Variants in DENND3 observed in about 807,000 individuals in gnomAD.
DENND3 encodes DENN domain containing 3.
DENND3 carries 88 observed loss-of-function variants against 135.1 expected under a neutral mutation model. The observed-to-expected ratio is 0.65, with a 90% CI of 0.55 to 0.78. The LOEUF (loss-of-function observed/expected upper bound fraction) is 0.78. DENND3 is among the 30% of genes least tolerant of loss of function. The pLI is 0.00. For missense variants in DENND3, 1,392 were observed against 1,688.4 expected (o/e 0.82, Z 3.08); for synonymous variants, 693 against 712.3 (o/e 0.97, Z 0.43).
intron 20 of DENND3, chr8:141,192,055 TAAGC>T: frequency 2.8e-6 from 1 of 362,370 alleles, no homozygotes; most frequent in Non-Finnish European, 5.0e-6. Flanking sequence ...GATTTTTGCT[TAAGC>T]AGTCAATGAT....
intron 8 of DENND3, 73 bp downstream of exon 8, chr8:141,156,043 CT>C: frequency 6.7e-7 from 1 of 1,486,928 alleles, no homozygotes; most frequent in South Asian, 1.3e-5. Flanking sequence ...CTTCGAGTAT[CT>C]TTTCCAATTT....
At chr8:141,171,935 G>A (rs575549652) in intron 13 of DENND3, among the ~76,000 whole-genome samples, 22 of 151,680 alleles carry the variant, frequency 1.5e-4, no homozygotes, top group African/African-American at 5.3e-4. Context: ...CATGGTGGTG[G>A]TGTGCAGTGT....
intron 13 of DENND3, among the ~76,000 whole-genome samples, chr8:141,169,831 C>T (rs940159603): frequency 2.1e-4 from 32 of 152,210 alleles, no homozygotes; most frequent in African/African-American, 6.0e-4. Flanking sequence ...GCTCCACATC[C>T]GTTGGGTTCA....
At chr8:141,188,965 G>T (rs369489966) in intron 18 of DENND3, 21 bp from the exon 19 acceptor site, 5 of 1,606,050 alleles carry the variant, frequency 3.1e-6, no homozygotes, top group Non-Finnish European at 4.2e-6. Context: ...GATTTCTCAC[G>T]TTCCCGTGGC....
intron 18 of DENND3, chr8:141,188,440 C>CA (rs1824221200): frequency 6.6e-6 from 1 of 152,582 alleles, no homozygotes; most frequent in African/African-American, 2.4e-5. Flanking sequence ...TTGTAACTCC[C>CA]AAAACAGATA....
chr8:141,192,518 C>T lies in DENND3; in HGVS notation c.3499-8C>T, dbSNP rs767015027. On this transcript the variant is annotated splice_region_variant and splice_polypyrimidine_tract_variant and intron_variant, in intron 21 of 22. Coordinates refer to ENST00000519811, the MANE Select transcript of DENND3 (RefSeq NM_001352890.3). ...GGCCCATAGCCCACACCGTGCCCTGCGTTTCAGGAGGAGCAGCTGTGGGCG... is the reference window on the plus strand; with the variant it reads ...GGCCCATAGCCCACACCGTGCCCTGTGTTTCAGGAGGAGCAGCTGTGGGCG... 44 of 1,600,330 alleles carry T rather than the reference C, an allele frequency of 2.7e-5. No individual in the cohort carries two copies. The highest frequency in any genetic ancestry group is 1.7e-4 in the Middle Eastern group (1 of 5,990).
At chr8:141,165,831 C>T (rs988891542) in intron 11 of DENND3, among the ~76,000 whole-genome samples, 1 of 152,050 alleles carries the variant, frequency 6.6e-6, no homozygotes, top group Non-Finnish European at 1.5e-5. Context: ...GGTTTGTGGC[C>T]CTTGCGTCTT....
chr8:141,133,556 A>G (rs1816412636), intron 1 of DENND3, among the ~76,000 whole-genome samples: 2 of 151,934 alleles, frequency 1.3e-5, no homozygotes, highest in Non-Finnish European at 2.9e-5. Flanking sequence ...CCTGACAGAA[A>G]CCTCCAAGGC....
intron 7 of DENND3, among the ~76,000 whole-genome samples, chr8:141,153,175 C>A (rs1022630088): frequency 6.0e-5 from 9 of 149,736 alleles, no homozygotes; most frequent in Non-Finnish European, 1.2e-4. Flanking sequence ...CTCATGGCAA[C>A]CAATGCCTCC....
rs1432000985 is a variant in DENND3 at position 141,154,565 on chromosome 8, CTT to C, written c.1075-1273_1075-1272del. Among the ~76,000 whole-genome samples, 1 of 142,260 alleles carries C rather than the reference CTT, an allele frequency of 7.0e-6. No individual in the cohort carries two copies. The allele number at this position is 142,260 out of a possible 152,430, so 93.3% of individuals were successfully genotyped here. ...ACATGTATTGGAATCTTTTTTTTTTCTTTTTTTTTTTTGTGAGATGGAGTTTC... is the reference window on the plus strand; with the variant it reads ...ACATGTATTGGAATCTTTTTTTTTTCTTTTTTTTTTGTGAGATGGAGTTTC... On this transcript the variant is annotated intron_variant, in intron 7 of 22. Coordinates refer to ENST00000519811, the MANE Select transcript of DENND3 (RefSeq NM_001352890.3). This position sits in a 1 kb window ranked among gnomAD's most constrained non-coding sequence, Gnocchi z 4.4.
chr8:141,162,663 C>T (rs1007160440), intron 9 of DENND3, among the ~76,000 whole-genome samples: 1 of 152,000 alleles, frequency 6.6e-6, no homozygotes, highest in East Asian at 1.9e-4. Context: ...GGGCCGGGCT[C>T]GGTGGCTCAC....
At position 141,137,048 on chromosome 8, in the gene DENND3, C is replaced by T. The variant is rs1816868184; in HGVS notation, c.385+257C>T. Reference sequence around the variant, plus strand: ...AGGCTGGAGTTCAGTGGCACAATCTCCTTTCACTTCATCCTCTGCCTCCTG... The same window carrying T: ...AGGCTGGAGTTCAGTGGCACAATCTTCTTTCACTTCATCCTCTGCCTCCTG... On this transcript the variant is annotated intron_variant, in intron 2 of 22. Transcript: ENST00000519811. This position sits in a 1 kb window ranked among gnomAD's most constrained non-coding sequence, Gnocchi z 4.1. 6.6e-6 allele frequency among the ~76,000 whole-genome samples: 1 copy of T among 152,170 alleles called. No homozygotes were observed. The highest frequency in any genetic ancestry group is 2.4e-5 in the African/African-American group (1 of 41,424).
intron 5 of DENND3, chr8:141,150,214 A>G: frequency 1.2e-6 from 1 of 851,544 alleles, no homozygotes; most frequent in Non-Finnish European, 1.6e-6. Context: ...TTTGCAGCCC[A>G]TTTCCTGGCA....
At chr8:141,156,791 CTTT>C (rs34035594) in intron 8 of DENND3, among the ~76,000 whole-genome samples, 3 of 123,184 alleles carry the variant, frequency 2.4e-5, no homozygotes, top group Non-Finnish European at 5.0e-5. Context: ...TTTTTCTTTC[CTTT>C]TTTTTTTTTT....
At chr8:141,142,455 G>T (rs1455926796) in intron 4 of DENND3, 1 of 454,298 alleles carries the variant, frequency 2.2e-6, no homozygotes, top group African/African-American at 2.0e-5. Context: ...CCCATGGAGA[G>T]TGAGCAGGAA....
At chr8:141,156,984 A>C (rs372791399) in intron 8 of DENND3, among the ~76,000 whole-genome samples, 1 of 151,720 alleles carries the variant, frequency 6.6e-6, no homozygotes, top group Non-Finnish European at 1.5e-5. Context: ...GGGTTTCACT[A>C]TGTTGGCCAG....
intron 8 of DENND3, among the ~76,000 whole-genome samples, chr8:141,156,920 T>C (rs1447015000): frequency 6.6e-6 from 1 of 150,964 alleles, no homozygotes; most frequent in Non-Finnish European, 1.5e-5. Context: ...GCCTCCCGAG[T>C]AGCTGGGATT....
At position 141,128,832 on chromosome 8, in the gene DENND3, C is replaced by A. The variant is rs1228793411; in HGVS notation, c.102+23C>A. 3.9e-5 allele frequency: 53 copies of A among 1,361,790 alleles called. No homozygotes were observed. The highest frequency in any genetic ancestry group is 4.9e-5 in the Non-Finnish European group (51 of 1,048,824). The allele number at this position is 1,361,790 out of a possible 1,614,324, so 84.4% of individuals were successfully genotyped here. ...CAGGTGAGGGGCGGGGAAACTGAGGCGGACGTGGGCCACGAGTCGGCAGCC... is the reference window on the plus strand; with the variant it reads ...CAGGTGAGGGGCGGGGAAACTGAGGAGGACGTGGGCCACGAGTCGGCAGCC... On this transcript the variant is annotated intron_variant, in intron 1 of 22. Coordinates refer to ENST00000519811, the MANE Select transcript of DENND3 (RefSeq NM_001352890.3). The surrounding 1 kb of genome is among the most constrained non-coding windows in gnomAD (Gnocchi z 4.5).
rs553238326 is a variant in DENND3 at position 141,135,203 on chromosome 8, G to C, written c.103-1306G>C. Among the ~76,000 whole-genome samples the C allele has an allele frequency of 2.0e-5, 3 of 148,912 alleles. No homozygotes were observed. The East Asian group carries it at 5.9e-4, about 29-fold the overall frequency. ...GTCTTGCTCTTTCACCCAGGCCGGA[G>C]CGCAGTGGTGTGATCACAGCTCACT... On this transcript the variant is annotated intron_variant, in intron 1 of 22. Coordinates refer to ENST00000519811, the MANE Select transcript of DENND3 (RefSeq NM_001352890.3).
Sources: allele counts gnomAD v4.1 joint callset (sites outside exome capture counted in the v4.1 genomes callset), GRCh38; gene constraint gnomAD v4.1.1; non-coding constraint Gnocchi (gnomAD v3.1); transcripts MANE v1.5; gene names NCBI Gene and HGNC (gene_info 2026-07-23, HGNC 2026-07-21).